Variants in HSD17B12 observed in about 807,000 individuals in gnomAD.
The protein encoded by HSD17B12 is very-long-chain 3-oxoacyl-CoA reductase.
In HSD17B12, 32 loss-of-function variants were observed where a neutral mutation model predicts 39.3. The ratio of observed to expected loss-of-function variants is 0.81; its 90% CI spans 0.61 to 1.09. HSD17B12 has a LOEUF of 1.09. Among genes scored for constraint, HSD17B12 ranks in the 50% least tolerant of loss-of-function variants. The pLI is 0.00. For missense variants in HSD17B12, 342 were observed against 382.9 expected (o/e 0.89, Z 0.89); for synonymous variants, 150 against 146.7 (o/e 1.02, Z -0.16).
At chr11:43,753,783 T>C (rs1358125325) in intron 2 of HSD17B12, among the ~76,000 whole-genome samples, 1 of 152,036 alleles carries the variant, frequency 6.6e-6, no homozygotes, top group Non-Finnish European at 1.5e-5. Flanking sequence ...AAAACCCAAA[T>C]AGTATAGATG....
At chr11:43,734,351 GA>G in intron 1 of HSD17B12, 11 of 965,890 alleles carry the variant, frequency 1.1e-5, no homozygotes, top group Non-Finnish European at 1.3e-5. Context: ...ATCTGTGGTG[GA>G]AAAGGCTGAG....
the HSD17B12 span, among the ~76,000 whole-genome samples, chr11:43,604,878 A>G: frequency 1.6e-4 from 24 of 152,352 alleles, no homozygotes; most frequent in African/African-American, 5.8e-4. Context: ...TCTATCTATT[A>G]CAAGTCAAGT....
At chr11:43,722,941 G>A (rs961347322) in intron 1 of HSD17B12, among the ~76,000 whole-genome samples, 4 of 152,134 alleles carry the variant, frequency 2.6e-5, no homozygotes, top group Non-Finnish European at 4.4e-5. Flanking sequence ...TTTACTTTTT[G>A]CAAAGATGCC....
chr11:43,681,384 C>T (rs1410089695), intron 1 of HSD17B12: 1 of 166,480 alleles, frequency 6.0e-6, no homozygotes, highest in African/African-American at 2.4e-5. Context: ...TAAAGTTTTT[C>T]GCTCGGTTTG....
chr11:43,842,679 A>T (rs1406043684), intron 9 of HSD17B12, among the ~76,000 whole-genome samples: 1 of 152,194 alleles, frequency 6.6e-6, no homozygotes, highest in African/African-American at 2.4e-5. Flanking sequence ...AAGGTATCAC[A>T]TGCCAGGCAA....
At chr11:43,825,068 T>C (rs981552258) in intron 6 of HSD17B12, among the ~76,000 whole-genome samples, 2 of 151,740 alleles carry the variant, frequency 1.3e-5, no homozygotes, top group Non-Finnish European at 2.9e-5. Flanking sequence ...GAGGCAGAGG[T>C]TGCAGTGGGC....
chr11:43,641,424 A>AAAC, the HSD17B12 span, among the ~76,000 whole-genome samples: 155 of 152,170 alleles, frequency 1.0e-3, no homozygotes, highest in African/African-American at 3.6e-3. Flanking sequence ...AAATATTCCT[A>AAAC]AACACAGATG....
intron 1 of HSD17B12, among the ~76,000 whole-genome samples, chr11:43,686,503 A>G (rs930965032): frequency 2.0e-5 from 3 of 151,424 alleles, no homozygotes; most frequent in African/African-American, 4.9e-5. Flanking sequence ...CCAAAGAGGG[A>G]GGTTTCCTGG....
the HSD17B12 span, among the ~76,000 whole-genome samples, chr11:43,601,484 G>T: frequency 4.1e-4 from 59 of 145,236 alleles, no homozygotes; most frequent in Non-Finnish European, 6.7e-4. Context: ...TTTCCTTGGG[G>T]TCTACAGTTA....
chr11:43,775,924 C>T (rs10838164), intron 3 of HSD17B12, among the ~76,000 whole-genome samples: 33,436 of 151,502 alleles, frequency 0.22, 3,801 homozygotes, highest in Middle Eastern at 0.37. Flanking sequence ...CATGTCCCTA[C>T]GAAGGACATG....
chr11:43,654,001 G>A, the HSD17B12 span, among the ~76,000 whole-genome samples: 4 of 148,784 alleles, frequency 2.7e-5, no homozygotes, highest in East Asian at 1.9e-4. Context: ...ACTACTTTAC[G>A]GTCCCACCAA....
chr11:43,613,235 T>C, the HSD17B12 span, among the ~76,000 whole-genome samples: 189 of 151,966 alleles, frequency 1.2e-3, no homozygotes, highest in African/African-American at 4.1e-3. Flanking sequence ...ATACTAAAAA[T>C]AGAAAAATTA....
chr11:43,752,578 G>A (rs1950475222), intron 2 of HSD17B12, among the ~76,000 whole-genome samples: 2 of 152,056 alleles, frequency 1.3e-5, no homozygotes, highest in African/African-American at 4.8e-5. Context: ...GCTGGACATG[G>A]TGGTGGGTGC....
chr11:43,719,627 AATAT>A (rs35534978), intron 1 of HSD17B12, among the ~76,000 whole-genome samples: 240 of 130,416 alleles, frequency 1.8e-3, no homozygotes, highest in Non-Finnish European at 2.8e-3. Context: ...AAAAAAAAAA[AATAT>A]ATATATATAT....
the HSD17B12 span, among the ~76,000 whole-genome samples, chr11:43,625,155 C>A: frequency 5.3e-5 from 8 of 151,540 alleles, no homozygotes; most frequent in African/African-American, 1.5e-4. Flanking sequence ...AAAGCCTAAA[C>A]CTTGTGAAAA....
intron 1 of HSD17B12, among the ~76,000 whole-genome samples, chr11:43,695,718 A>T (rs529189115): frequency 6.6e-6 from 1 of 152,224 alleles, no homozygotes; most frequent in East Asian, 1.9e-4. Flanking sequence ...ATGATGAGGA[A>T]GGAGGAAAAT....
chr11:43,832,732 TAAGAAATC>T (rs1951324415), intron 7 of HSD17B12, among the ~76,000 whole-genome samples: 1 of 152,090 alleles, frequency 6.6e-6, no homozygotes, highest in Admixed American at 6.5e-5. Context: ...CCTTGCCTTT[TAAGAAATC>T]AAGTTGAAGC....
the HSD17B12 span, among the ~76,000 whole-genome samples, chr11:43,674,202 C>T: frequency 6.6e-6 from 1 of 152,160 alleles, no homozygotes; most frequent in African/African-American, 2.4e-5. Flanking sequence ...TATGGCTCTA[C>T]TAACCCTTCA....
the HSD17B12 span, among the ~76,000 whole-genome samples, chr11:43,587,488 T>A: frequency 6.6e-6 from 1 of 152,190 alleles, no homozygotes; most frequent in African/African-American, 2.4e-5. Flanking sequence ...TTGTTCTTTT[T>A]TTTCCCCCAT....
Sources: gnomAD v4.1 joint callset for allele counts (sites outside exome capture counted in the v4.1 genomes callset) on GRCh38, gnomAD v4.1.1 for gene constraint, MANE v1.5 for transcripts, NCBI Gene and HGNC (gene_info 2026-07-23, HGNC 2026-07-21) for gene names.